DPF3: variants seen among roughly 807,000 people sequenced by gnomAD.
DPF3 encodes zinc finger protein DPF3.
DPF3 carries 18 observed loss-of-function variants against 56.8 expected under a neutral mutation model. The observed-to-expected ratio is 0.32, with a 90% CI of 0.22 to 0.47. DPF3 has a LOEUF of 0.47. Ranked by LOEUF, DPF3 falls within the 20% of genes least tolerant of loss-of-function variation. DPF3 has a pLI of 1.00. For synonymous variants in DPF3, 188 were observed against 180.2 expected (o/e 1.04, Z -0.35); for missense variants, 403 against 488.8 (o/e 0.82, Z 1.65).
rs973971118 is a variant in DPF3, at chr14:72,714,343, T to C, written c.604+80A>G. On this transcript the variant is annotated intron_variant, in intron 6 of 10. Transcript: ENST00000556509. ...GCACACACTGAGGTTGGCAGGCGGA[T>C]GGCCAAGGAAGCACAGGGAAGAGGG... is the stretch of plus-strand genomic sequence containing the variant. 41 of 1,563,410 alleles carry C rather than the reference T, an allele frequency of 2.6e-5. No individual in the cohort carries two copies. The South Asian group carries it at 4.5e-4, about 17-fold the overall frequency.
chr14:72,781,052 C>T (rs1891949223), intron 1 of DPF3, among the ~76,000 whole-genome samples: 1 of 152,196 alleles, frequency 6.6e-6, no homozygotes, highest in African/African-American at 2.4e-5. Context: ...CTAAAGATAG[C>T]TCCCCAACCT....
chr14:72,876,572 G>A (rs1221409323), intron 1 of DPF3, among the ~76,000 whole-genome samples: 1 of 152,084 alleles, frequency 6.6e-6, no homozygotes, highest in East Asian at 1.9e-4. Context: ...ACAGATCTGT[G>A]TGCTCTCCTC....
intron 1 of DPF3, among the ~76,000 whole-genome samples, chr14:72,801,967 C>G (rs1354986028): frequency 6.6e-6 from 1 of 152,212 alleles, no homozygotes; most frequent in Non-Finnish European, 1.5e-5. Flanking sequence ...GGGATTGATA[C>G]CACCCCTGCC....
chr14:72,850,253 G>C (rs529780544), intron 1 of DPF3, among the ~76,000 whole-genome samples: 14 of 152,252 alleles, frequency 9.2e-5, no homozygotes, highest in Non-Finnish European at 1.9e-4. Context: ...GGTTGAATGT[G>C]AACATCCTCC....
Position 72,619,413 on chromosome 14 carries a change from T to A in DPF3, c.1067-46A>T, listed in dbSNP as rs998575336. On this transcript the variant is annotated intron_variant, in intron 10 of 10. Coordinates refer to ENST00000556509, the MANE Select transcript of DPF3 (RefSeq NM_001280542.3). ...TTAGTAGCAGCCCCTCTGCTAACTC[T>A]GGAGCCCCACCCCACTGGCCCTAAC... The A allele has an allele frequency of 3.9e-6, 6 of 1,526,576 alleles. No individual in the cohort carries two copies. The African/African-American group carries it at 8.2e-5, about 21-fold the overall frequency. 94.6% of individuals were successfully genotyped at this position (1,526,576 alleles called of 1,614,324 possible).
At position 72,801,924 on chromosome 14, in the gene DPF3, A is replaced by G. The variant is rs1892908340; in HGVS notation, c.33-30031T>C. ...CAAAGAAGGCTAGCTGCCAAGAGGT[A>G]GGAAGAACTAGATTCTTAGGGACTT... On this transcript the variant is annotated intron_variant, in intron 1 of 10. Transcript: ENST00000556509. 3.9e-5 allele frequency among the ~76,000 whole-genome samples: 6 copies of G among 152,254 alleles called. No homozygotes were observed. The South Asian group carries it at 1.2e-3, about 32-fold the overall frequency.
At chr14:72,887,476 A>G (rs1886593890) in intron 1 of DPF3, among the ~76,000 whole-genome samples, 1 of 152,226 alleles carries the variant, frequency 6.6e-6, no homozygotes, top group African/African-American at 2.4e-5. Context: ...ACCATGTAGC[A>G]AGACTGAATC....
intron 7 of DPF3, among the ~76,000 whole-genome samples, chr14:72,683,930 C>A (rs750903443): frequency 6.6e-6 from 1 of 152,208 alleles, no homozygotes; most frequent in Non-Finnish European, 1.5e-5. Flanking sequence ...CCAGGTGCTT[C>A]TGACCACACT....
chr14:72,764,676 A>G (rs1275534922), intron 2 of DPF3, among the ~76,000 whole-genome samples: 1 of 151,530 alleles, frequency 6.6e-6, no homozygotes, highest in African/African-American at 2.4e-5. Context: ...ATTTTTTAGT[A>G]GAGATGGGGT....
intron 8 of DPF3, among the ~76,000 whole-genome samples, chr14:72,664,957 C>A (rs939846331): frequency 6.6e-6 from 1 of 152,098 alleles, no homozygotes. Context: ...GGTACTTAGG[C>A]GGGTTTTCAA....
Position 72,617,254 on chromosome 14 carries a change from G to C in DPF3, c.*2043C>G, listed in dbSNP as rs913905127. Among the ~76,000 whole-genome samples, 5 of 152,216 alleles carry C rather than the reference G, an allele frequency of 3.3e-5. No homozygotes were observed. The highest frequency in any genetic ancestry group is 7.2e-5 in the African/African-American group (3 of 41,462). Reference sequence around the variant, plus strand: ...TCGGACTTGCTTTTTAAACTTTTAAGCTATTGTGGCACTTGGGAACATTTG... The same window carrying C: ...TCGGACTTGCTTTTTAAACTTTTAACCTATTGTGGCACTTGGGAACATTTG... On this transcript the variant is annotated 3_prime_UTR_variant, in exon 11 of 11. Transcript: ENST00000556509.
chr14:72,839,907 G>A (rs937618821), intron 1 of DPF3, among the ~76,000 whole-genome samples: 2 of 152,202 alleles, frequency 1.3e-5, no homozygotes, highest in Non-Finnish European at 2.9e-5. Context: ...GCAGAGCCCA[G>A]CTCCAGGTGC....
intron 1 of DPF3, among the ~76,000 whole-genome samples, chr14:72,881,688 G>A (rs1481278514): frequency 6.6e-6 from 1 of 152,074 alleles, no homozygotes; most frequent in African/African-American, 2.4e-5. Flanking sequence ...TGGGAAAAAT[G>A]AAGAGAGTTA....
Position 72,695,450 on chromosome 14 carries a change from C to G in DPF3, c.605-2237G>C, listed in dbSNP as rs1191623822. On this transcript the variant is annotated intron_variant, in intron 6 of 10. Coordinates refer to ENST00000556509, the MANE Select transcript of DPF3 (RefSeq NM_001280542.3). ...TAAGGTAAGATGAGAGTCTGAAATT[C>G]AAGTTGGTGACCCAGTGACTATAAA... Among the ~76,000 whole-genome samples the G allele has an allele frequency of 1.3e-5, 2 of 152,140 alleles. 1 individual carries two copies. The highest frequency in any genetic ancestry group is 4.1e-4 in the South Asian group (2 of 4,832).
intron 2 of DPF3, among the ~76,000 whole-genome samples, chr14:72,767,642 T>C (rs988172516): frequency 5.3e-5 from 8 of 151,102 alleles, no homozygotes; most frequent in African/African-American, 1.7e-4. Context: ...CAGGGACTTA[T>C]GGGACTATAA....
At chr14:72,853,205 C>T (rs1243360286) in intron 1 of DPF3, 2 of 142,036 alleles carry the variant, frequency 1.4e-5, no homozygotes, top group East Asian at 3.9e-4. Flanking sequence ...TTACAATCAG[C>T]ATGTTGTTGT....
At chr14:72,772,872 C>A (rs947862707) in intron 1 of DPF3, among the ~76,000 whole-genome samples, 3 of 152,098 alleles carry the variant, frequency 2.0e-5, no homozygotes, top group African/African-American at 7.2e-5. Flanking sequence ...ATTCAAGCCT[C>A]TTACTGGGGT....
intron 1 of DPF3, among the ~76,000 whole-genome samples, chr14:72,890,760 T>C (rs1886719081): frequency 2.6e-5 from 4 of 152,272 alleles, no homozygotes; most frequent in Middle Eastern, 6.8e-3. Flanking sequence ...ACCAGTGCTT[T>C]TGAATTCTAT....
At chr14:72,677,505 G>A (rs758121890) in intron 7 of DPF3, among the ~76,000 whole-genome samples, 33 of 152,288 alleles carry the variant, frequency 2.2e-4, no homozygotes, top group Middle Eastern at 6.8e-3. Context: ...TTTATATTGA[G>A]TCTGTGTGCC....
Sources: gnomAD v4.1 joint callset for allele counts (sites outside exome capture counted in the v4.1 genomes callset) on GRCh38, gnomAD v4.1.1 for gene constraint, MANE v1.5 for transcripts, NCBI Gene and HGNC (gene_info 2026-07-23, HGNC 2026-07-21) for gene names.